SLC39A11: variants seen among roughly 807,000 people sequenced by gnomAD.
The protein encoded by SLC39A11 is solute carrier family 39 member 11, also known as zinc transporter ZIP11.
A neutral mutation model predicts 36.1 loss-of-function variants in SLC39A11; 33 were observed. That is an observed-to-expected ratio of 0.91 (90% CI 0.69 to 1.22). The LOEUF is 1.22. Ranked by LOEUF, SLC39A11 falls within the 50% of genes most tolerant of loss-of-function variation. The pLI, the probability that SLC39A11 is intolerant of heterozygous loss-of-function variation, is 0.00. For synonymous variants in SLC39A11, 166 were observed against 170.3 expected, an observed-to-expected ratio of 0.97 and a Z score of 0.20; for missense variants, 432 against 430.3, an observed-to-expected ratio of 1.00 and a Z score of -0.03.
chr17:72,939,384 G>A (rs9908494), intron 5 of SLC39A11, among the ~76,000 whole-genome samples: 10,812 of 151,842 alleles, frequency 0.071, 1,113 homozygotes, highest in African/African-American at 0.24. Flanking sequence ...GCTTGAACCC[G>A]GGAGGCGGAG....
At chr17:72,930,870 G>A (rs746003549) in intron 5 of SLC39A11, among the ~76,000 whole-genome samples, 26 of 152,280 alleles carry the variant, frequency 1.7e-4, no homozygotes, top group South Asian at 1.2e-3. Context: ...CCCAGATCTC[G>A]TTTTCCAAAG....
intron 7 of SLC39A11, among the ~76,000 whole-genome samples, chr17:72,680,512 C>CCGCA (rs879359408): frequency 4.6e-5 from 7 of 152,166 alleles, no homozygotes; most frequent in African/African-American, 7.2e-5. Flanking sequence ...GGCAGTTTCC[C>CCGCA]CACACACACT....
rs982354550 is a variant in SLC39A11, at chr17:72,870,032, C to CT, written c.431-20229dup. ...AGCTTGCTTTTTTTTTCTTCTTCTT[C>CT]TTTTTTTTTTGTTTAGCATAACCTG... On this transcript the variant is annotated intron_variant, in intron 5 of 9. Transcript: ENST00000255559. 3.4e-3 allele frequency among the ~76,000 whole-genome samples: 500 copies of CT among 147,684 alleles called. 1 individual carries two copies. The highest frequency in any genetic ancestry group is 7.6e-3 in the African/African-American group (307 of 40,362).
intron 6 of SLC39A11, among the ~76,000 whole-genome samples, chr17:72,774,355 G>A (rs1226852725): frequency 6.6e-6 from 1 of 152,154 alleles, no homozygotes; most frequent in Non-Finnish European, 1.5e-5. Context: ...GAGGGTTTGT[G>A]GCAGCTCACC....
intron 3 of SLC39A11, among the ~76,000 whole-genome samples, chr17:73,054,342 G>A (rs2059601622): frequency 6.7e-6 from 1 of 149,064 alleles, no homozygotes; most frequent in Non-Finnish European, 1.5e-5. Context: ...CCTGGGAGCT[G>A]GACCAAGACT....
intron 6 of SLC39A11, among the ~76,000 whole-genome samples, chr17:72,745,141 C>T (rs1275447535): frequency 2.0e-5 from 3 of 152,344 alleles, no homozygotes; most frequent in Non-Finnish European, 2.9e-5. Flanking sequence ...TGCACCTGGC[C>T]TCACATTTTT....
At chr17:73,077,154 C>T (rs2060349282) in intron 3 of SLC39A11, among the ~76,000 whole-genome samples, 1 of 152,162 alleles carries the variant, frequency 6.6e-6, no homozygotes, top group African/African-American at 2.4e-5. Context: ...GCCATACTGC[C>T]TTTCCCTAGT....
At chr17:72,852,010 GGC>G (rs2079355250) in intron 5 of SLC39A11, among the ~76,000 whole-genome samples, 1 of 151,614 alleles carries the variant, frequency 6.6e-6, no homozygotes. Flanking sequence ...AGACCATCCT[GGC>G]TAACACGGTG....
At chr17:72,976,572 C>T (rs368899819) in intron 4 of SLC39A11, among the ~76,000 whole-genome samples, 10 of 152,312 alleles carry the variant, frequency 6.6e-5, no homozygotes, top group Admixed American at 2.0e-4. Flanking sequence ...CTCTGTTGGC[C>T]GGGCGCGGTG....
intron 6 of SLC39A11, among the ~76,000 whole-genome samples, chr17:72,761,413 C>A (rs758112237): frequency 3.3e-5 from 5 of 152,204 alleles, no homozygotes; most frequent in Admixed American, 6.5e-5. Flanking sequence ...TGCACCCAGC[C>A]CAGGCCTCCC....
intron 4 of SLC39A11, 139 bp downstream of exon 4, chr17:73,031,417 A>T: frequency 1.1e-6 from 1 of 886,500 alleles, no homozygotes; most frequent in Non-Finnish European, 1.7e-6. Context: ...CAGTTCCTCT[A>T]ATGCCTTGTT....
intron 4 of SLC39A11, among the ~76,000 whole-genome samples, chr17:72,949,667 T>C (rs2085720868): frequency 6.6e-6 from 1 of 151,784 alleles, no homozygotes; most frequent in Non-Finnish European, 1.5e-5. Context: ...AATCTAATGA[T>C]CACCCAAAGG....
chr17:73,029,783 C>T (rs544913667), intron 4 of SLC39A11, among the ~76,000 whole-genome samples: 30 of 152,242 alleles, frequency 2.0e-4, no homozygotes, highest in Middle Eastern at 3.4e-3. Flanking sequence ...GGTTTCTCCA[C>T]GTTACCCAGG....
chr17:73,005,937 CAAGA>C (rs1568109847), intron 4 of SLC39A11, among the ~76,000 whole-genome samples: 2 of 151,890 alleles, frequency 1.3e-5, no homozygotes, highest in African/African-American at 2.4e-5. Flanking sequence ...GGCAACAGAG[CAAGA>C]CTCCGACTCA....
intron 6 of SLC39A11, among the ~76,000 whole-genome samples, chr17:72,846,018 CTTTTTTTTTTTTTT>C (rs569100122): frequency 1.1e-3 from 66 of 57,962 alleles, no homozygotes; most frequent in African/African-American, 5.1e-3. Flanking sequence ...CTCTCTCTCT[CTTTTTTTTTTTTTT>C]TTTTTTTTTT....
At position 72,925,631 on chromosome 17, in the gene SLC39A11, T is replaced by C. The variant is rs960305345; in HGVS notation, c.430+22121A>G. ...TTTATGTCCCCACCTGGAATTGCAG[T>C]ACCTGCCTATTGGCCAAGCATACTT... On this transcript the variant is annotated intron_variant, in intron 5 of 9. Transcript: ENST00000255559. Among the ~76,000 whole-genome samples the C allele has an allele frequency of 6.6e-5, 10 of 152,348 alleles. No homozygotes were observed. In the East Asian group the frequency reaches 1.7e-3, roughly 26 times the overall value.
rs187536807 is a variant in SLC39A11 at position 72,706,120 on chromosome 17, G to T, written c.671+30530C>A. 4.4e-3 allele frequency among the ~76,000 whole-genome samples: 673 copies of T among 152,308 alleles called. 6 individuals carry two copies. Among genetic ancestry groups the T allele is most frequent in the African/African-American group, 0.015 (625 of 41,570 alleles). ...TGCTGGAACCGGCAAACAGCTGCCTGCCGACACCTTGGGTTTCAGATGTGG... is the reference window on the plus strand; with the variant it reads ...TGCTGGAACCGGCAAACAGCTGCCTTCCGACACCTTGGGTTTCAGATGTGG... On this transcript the variant is annotated intron_variant, in intron 7 of 9. Coordinates refer to ENST00000255559, the MANE Select transcript of SLC39A11 (RefSeq NM_139177.4).
intron 6 of SLC39A11, among the ~76,000 whole-genome samples, chr17:72,794,331 A>G (rs1188862239): frequency 2.0e-5 from 3 of 152,152 alleles, no homozygotes; most frequent in Non-Finnish European, 2.9e-5. Context: ...AGAGGCAACC[A>G]GCCCCCACCA....
chr17:72,665,389 G>GTTTTTTTTTGTTTTTT (rs2070689286), intron 7 of SLC39A11, among the ~76,000 whole-genome samples: 2 of 76,636 alleles, frequency 2.6e-5, no homozygotes, highest in Non-Finnish European at 4.8e-5. Context: ...GTTTTGAGGT[G>GTTTTTTTTTGTTTTTT]TTTTTTTTTT....
Sources: gnomAD v4.1 joint callset for allele counts (sites outside exome capture counted in the v4.1 genomes callset) on GRCh38, gnomAD v4.1.1 for gene constraint, MANE v1.5 for transcripts, NCBI Gene and HGNC (gene_info 2026-07-23, HGNC 2026-07-21) for gene names.